Variants in UBE2O observed in about 807,000 individuals in gnomAD.
UBE2O encodes ubiquitin conjugating enzyme E2 O.
UBE2O carries 15 observed loss-of-function variants against 125.8 expected under a neutral mutation model. The observed-to-expected ratio is 0.12, with a 90% CI of 0.08 to 0.18. The LOEUF is 0.18. UBE2O is among the 10% of genes least tolerant of loss of function. The pLI, the probability that UBE2O is intolerant of heterozygous loss-of-function variation, is 1.00. For synonymous variants in UBE2O, 708 were observed against 703.2 expected, an observed-to-expected ratio of 1.01 and a Z score of -0.11; for missense variants, 1,280 against 1,723.6, an observed-to-expected ratio of 0.74 and a Z score of 4.56.
chr17:76,425,649 T>G (rs963081668), intron 1 of UBE2O, among the ~76,000 whole-genome samples: 2 of 152,220 alleles, frequency 1.3e-5, no homozygotes, highest in African/African-American at 4.8e-5. Context: ...AATTGAAAAA[T>G]CTAAATGTGT....
chr17:76,399,415 A>G lies in UBE2O; in HGVS notation c.1628+34T>C, dbSNP rs758713064. The stretch of plus-strand genomic sequence containing the variant: ...GCGCACTCTGCCTGGCTTCACGCTG[A>G]CGCCATTGGGGAGGGGCACAACTCT... On this transcript the variant is annotated intron_variant, in intron 9 of 17. Coordinates refer to ENST00000319380, the MANE Select transcript of UBE2O (RefSeq NM_022066.4). The surrounding 1 kb of genome is among the most constrained non-coding windows in gnomAD (Gnocchi z 6.9). 1.9e-6 allele frequency: 3 copies of G among 1,597,868 alleles called. No homozygotes were observed. In the Admixed American group the frequency reaches 5.0e-5, roughly 27 times the overall value.
rs1026405422 is a variant in UBE2O at position 76,405,965 on chromosome 17, G to GC, written c.418-394dup. On this transcript the variant is annotated intron_variant, in intron 1 of 17. Coordinates refer to ENST00000319380, the MANE Select transcript of UBE2O (RefSeq NM_022066.4). This position sits in a 1 kb window ranked among gnomAD's most constrained non-coding sequence, Gnocchi z 6.1. ...GCGTTCAATCTTTTTTCTGCCCTCTGCAAGTGCCTGCCCTAGCTGATCAGT... is the reference window on the plus strand; with the variant it reads ...GCGTTCAATCTTTTTTCTGCCCTCTGCCAAGTGCCTGCCCTAGCTGATCAGT... 1.3e-5 allele frequency among the ~76,000 whole-genome samples: 2 copies of GC among 152,228 alleles called. No individual in the cohort carries two copies. The highest frequency in any genetic ancestry group is 4.8e-5 in the African/African-American group (2 of 41,446).
chr17:76,390,975 C>T lies in UBE2O; in HGVS notation c.3847G>A (p.Ala1283Thr). Residue 1283 changes from alanine (A) to threonine (T), a missense_variant, in exon 18 of 18, where the codon GCA becomes ACA. Coordinates refer to ENST00000319380, the MANE Select transcript of UBE2O (RefSeq NM_022066.4). ...TCCTCTGTGCACTCCGGCATGCCTG[C>T]CTCTAGCAGGGCAGCCCGGAACTGC... ...LTQFRAALLE[A>T]GMPECTEDK 1.2e-6 allele frequency: 2 copies of T among 1,612,124 alleles called. No homozygotes were observed. Among genetic ancestry groups the T allele is most frequent in the Non-Finnish European group, 1.7e-6 (2 of 1,179,198 alleles).
At chr17:76,394,608 G>A (rs1208014181) in intron 15 of UBE2O, among the ~76,000 whole-genome samples, 1 of 152,120 alleles carries the variant, frequency 6.6e-6, no homozygotes, top group African/African-American at 2.4e-5. Context: ...ATGTACTTAT[G>A]GTGATACATG....
intron 1 of UBE2O, among the ~76,000 whole-genome samples, chr17:76,421,998 G>A (rs189349105): frequency 6.6e-6 from 1 of 152,324 alleles, no homozygotes; most frequent in African/African-American, 2.4e-5. Flanking sequence ...GAGGAAAATG[G>A]GAAGATGGAG....
chr17:76,398,207 T>C lies in UBE2O; in HGVS notation c.2025+48A>G, dbSNP rs757295481. 6.2e-6 allele frequency: 10 copies of C among 1,612,044 alleles called. No individual in the cohort carries two copies. The highest frequency in any genetic ancestry group is 8.5e-6 in the Non-Finnish European group (10 of 1,178,664). On this transcript the variant is annotated intron_variant, in intron 12 of 17. Coordinates refer to ENST00000319380, the MANE Select transcript of UBE2O (RefSeq NM_022066.4). The surrounding 1 kb of genome is among the most constrained non-coding windows in gnomAD (Gnocchi z 5.4). ...TGGCAGCATCAGGGACTGCAGCTGG[T>C]GCACAGGGCAGTGAGCAGCCATCCA...
At chr17:76,445,158 G>A (rs925241474) in intron 1 of UBE2O, among the ~76,000 whole-genome samples, 5 of 152,156 alleles carry the variant, frequency 3.3e-5, no homozygotes, top group African/African-American at 1.2e-4. Flanking sequence ...GTGCCTGCAG[G>A]AAATCTCTCT....
In UBE2O at chr17:76,402,603, T is replaced by G; in HGVS notation, c.685A>C (p.Arg229=). The change falls in exon 4 of 18, where the codon AGG becomes CGG. Residue 229 remains arginine, a splice_region_variant and synonymous_variant. Coordinates refer to ENST00000319380, the MANE Select transcript of UBE2O (RefSeq NM_022066.4). This position sits in a 1 kb window ranked among gnomAD's most constrained non-coding sequence, Gnocchi z 5.4. ...GGCTCTCTGGTGGTGAGACTCTACCTGGCGCCGTTGGATAGCTTCAGGATG... is the reference window on the plus strand; with the variant it reads ...GGCTCTCTGGTGGTGAGACTCTACCGGGCGCCGTTGGATAGCTTCAGGATG... ...QIILKLSNGA[R]CSMNTEDGAK... 1.2e-6 allele frequency: 2 copies of G among 1,613,890 alleles called. No individual in the cohort carries two copies. Among genetic ancestry groups the G allele is most frequent in the Non-Finnish European group, 1.7e-6 (2 of 1,179,806 alleles).
rs1375515573 is a variant in UBE2O, at chr17:76,446,469, A to ACC, written c.417+6255_417+6256insGG. On this transcript the variant is annotated intron_variant, in intron 1 of 17. Coordinates refer to ENST00000319380, the MANE Select transcript of UBE2O (RefSeq NM_022066.4). ...TGAAAAAACAAAAACAAACAAAAAA[A>ACC]AAAACCAAACAAACAAAACAGAGAG... 4.6e-5 allele frequency among the ~76,000 whole-genome samples: 7 copies of ACC among 152,288 alleles called. No individual in the cohort carries two copies. The East Asian group carries it at 1.3e-3, about 29-fold the overall frequency.
In UBE2O at chr17:76,452,920, C is replaced by T; in HGVS notation, c.222G>A (p.Val74=). 1 of 1,497,424 alleles carries T rather than the reference C, an allele frequency of 6.7e-7. No homozygotes were observed. Among genetic ancestry groups the T allele is most frequent in the Non-Finnish European group, 8.9e-7 (1 of 1,122,850 alleles). The allele number at this position is 1,497,424 out of a possible 1,614,324, so 92.8% of individuals were successfully genotyped here. ...GGATGAGGCGCACCAGCCCGAAGTG[C>T]ACGGAGCCACGGTAACGGCCCGACA... is the stretch of plus-strand genomic sequence containing the variant. The part of the protein sequence containing the change: ...DLVSGRYRGS[V]HFGLVRLIHG... The change falls in exon 1 of 18, where the codon GTG becomes GTA. Residue 74 remains valine (V), a synonymous_variant. Transcript: ENST00000319380. This position sits in a 1 kb window ranked among gnomAD's most constrained non-coding sequence, Gnocchi z 4.4.
Position 76,400,946 on chromosome 17 carries a change from C to A in UBE2O, c.894+65G>T. On this transcript the variant is annotated intron_variant, in intron 6 of 17. Coordinates refer to ENST00000319380, the MANE Select transcript of UBE2O (RefSeq NM_022066.4). The surrounding 1 kb of genome is among the most constrained non-coding windows in gnomAD (Gnocchi z 4.3). Reference sequence around the variant, plus strand: ...CCCTCAAGAGCAGGAAGGAAAGGGGCAGCAGCTCAGCTCCAGGGTGTGGAG... The same window carrying A: ...CCCTCAAGAGCAGGAAGGAAAGGGGAAGCAGCTCAGCTCCAGGGTGTGGAG... The A allele has an allele frequency of 1.3e-6, 2 of 1,582,272 alleles. No homozygotes were observed. The highest frequency in any genetic ancestry group is 1.7e-6 in the Non-Finnish European group (2 of 1,159,338).
chr17:76,401,262 C>T, intron 5 of UBE2O, 108 bp from the exon 6 acceptor site: 1 of 1,329,016 alleles, frequency 7.5e-7, no homozygotes, highest in Non-Finnish European at 1.0e-6. Flanking sequence ...AGCCCACTCA[C>T]ACACACGCCC....
At chr17:76,440,510 A>C (rs1277124217) in intron 1 of UBE2O, among the ~76,000 whole-genome samples, 1 of 152,110 alleles carries the variant, frequency 6.6e-6, no homozygotes, top group East Asian at 1.9e-4. Flanking sequence ...GTACTTTTTG[A>C]AGAGATGGGG....
At position 76,398,731 on chromosome 17, in the gene UBE2O, C is replaced by T. The variant is rs1011001516; in HGVS notation, c.1783+106G>A. 8.6e-6 allele frequency: 13 copies of T among 1,509,620 alleles called. No homozygotes were observed. The South Asian group carries it at 1.1e-4, about 13-fold the overall frequency. The allele number at this position is 1,509,620 out of a possible 1,614,324, so 93.5% of individuals were successfully genotyped here. Reference sequence around the variant, plus strand: ...TCATGAGGGCAGTCCCCTTCTGGACCTCATTTTAGCTCTGACCCCAGATCC... The same window carrying T: ...TCATGAGGGCAGTCCCCTTCTGGACTTCATTTTAGCTCTGACCCCAGATCC... On this transcript the variant is annotated intron_variant, in intron 10 of 17. Coordinates refer to ENST00000319380, the MANE Select transcript of UBE2O (RefSeq NM_022066.4). This position sits in a 1 kb window ranked among gnomAD's most constrained non-coding sequence, Gnocchi z 5.4.
chr17:76,399,411 G>T lies in UBE2O; in HGVS notation c.1628+38C>A, dbSNP rs1276786831. 1 of 1,588,656 alleles carries T rather than the reference G, an allele frequency of 6.3e-7. No homozygotes were observed. Among genetic ancestry groups the T allele is most frequent in the Non-Finnish European group, 8.6e-7 (1 of 1,160,670 alleles). On this transcript the variant is annotated intron_variant, in intron 9 of 17. Transcript: ENST00000319380. This position sits in a 1 kb window ranked among gnomAD's most constrained non-coding sequence, Gnocchi z 6.9. ...GGACGCGCACTCTGCCTGGCTTCAC[G>T]CTGACGCCATTGGGGAGGGGCACAA... is the stretch of plus-strand genomic sequence containing the variant.
At position 76,398,242 on chromosome 17, in the gene UBE2O, T is replaced by G. The variant is rs769223445; in HGVS notation, c.2025+13A>C. 20 of 1,613,986 alleles carry G rather than the reference T, an allele frequency of 1.2e-5. No homozygotes were observed. Among genetic ancestry groups the G allele is most frequent in the African/African-American group, 2.7e-5 (2 of 74,920 alleles). On this transcript the variant is annotated intron_variant, in intron 12 of 17. Coordinates refer to ENST00000319380, the MANE Select transcript of UBE2O (RefSeq NM_022066.4). The surrounding 1 kb of genome is among the most constrained non-coding windows in gnomAD (Gnocchi z 5.4). The stretch of plus-strand genomic sequence containing the variant: ...AGTGAGCAGCCATCCAGAACTTGAA[T>G]TTGAAGGCGTACCTCATCCTCCTTG...
At chr17:76,438,559 C>A (rs961098355) in intron 1 of UBE2O, among the ~76,000 whole-genome samples, 1 of 152,116 alleles carries the variant, frequency 6.6e-6, no homozygotes, top group Admixed American at 6.5e-5. Flanking sequence ...ATCTGAGAAA[C>A]CTTCTCCAAC....
At chr17:76,428,312 C>T (rs1252765835) in intron 1 of UBE2O, among the ~76,000 whole-genome samples, 1 of 152,230 alleles carries the variant, frequency 6.6e-6, no homozygotes, top group Non-Finnish European at 1.5e-5. Flanking sequence ...ACTGTCCATT[C>T]TGAAATAATT....
chr17:76,447,606 G>A (rs539542037), intron 1 of UBE2O, among the ~76,000 whole-genome samples: 2 of 152,172 alleles, frequency 1.3e-5, no homozygotes, highest in East Asian at 1.9e-4. Context: ...GAGGACGGCC[G>A]GGGTTACTTT....
Sources: allele counts gnomAD v4.1 joint callset (sites outside exome capture counted in the v4.1 genomes callset), GRCh38; gene constraint gnomAD v4.1.1; non-coding constraint Gnocchi (gnomAD v3.1); transcripts MANE v1.5; gene names NCBI Gene and HGNC (gene_info 2026-07-23, HGNC 2026-07-21).